NELFB: variants seen among roughly 807,000 people sequenced by gnomAD.
NELFB encodes negative elongation factor complex member B.
NELFB carries 34 observed loss-of-function variants against 60.2 expected under a neutral mutation model. That is an observed-to-expected ratio of 0.56 (90% confidence interval 0.43 to 0.75). The LOEUF (loss-of-function observed/expected upper bound fraction) is 0.75, where lower values mean the gene tolerates loss of function less well. Among genes scored for constraint, NELFB ranks in the 30% least tolerant of loss-of-function variants. The probability of loss-of-function intolerance (pLI) is 0.00; values close to 1 mark genes in which losing one functional copy is unlikely to be tolerated. For synonymous variants in NELFB, 459 were observed against 382.1 expected, an observed-to-expected ratio of 1.20 and a Z score of -2.35; for missense variants, 770 against 831.6, an observed-to-expected ratio of 0.93 and a Z score of 0.91.
chr9:137,266,424 A>T lies in NELFB; in HGVS notation c.1237A>T (p.Met413Leu), dbSNP rs758484561. 2 of 1,612,430 alleles carry T rather than the reference A, an allele frequency of 1.2e-6. No individual in the cohort carries two copies. The highest frequency in any genetic ancestry group is 2.2e-5 in the South Asian group (2 of 91,062). Residue 413 changes from methionine (M) to leucine (L), a missense_variant and splice_region_variant, in exon 8 of 13, where the codon ATG (methionine) becomes TTG (leucine). Transcript: ENST00000343053. Reference sequence around the variant, plus strand: ...CAGCCAGGTCTTCAAGGAGCCCAAGATGGTAACGAGCCTCCTGTGGGGGCT... The same window carrying T: ...CAGCCAGGTCTTCAAGGAGCCCAAGTTGGTAACGAGCCTCCTGTGGGGGCT...
In NELFB at chr9:137,272,552, G is replaced by A; in HGVS notation, c.1677G>A (p.Leu559=). ...ACGCGCTGCGGCTCCTCATTCACCT[G>A]CACCCCAGGGTGGCCCCGTCTAAGC... The change falls in exon 12 of 13, where the codon CTG becomes CTA. Residue 559 remains leucine (L), a synonymous_variant. Transcript: ENST00000343053. 2 of 1,612,260 alleles carry A rather than the reference G, an allele frequency of 1.2e-6. No homozygotes were observed. Among genetic ancestry groups the A allele is most frequent in the Non-Finnish European group, 8.5e-7 (1 of 1,179,602 alleles).
intron 10 of NELFB, 144 bp downstream of exon 10, chr9:137,267,490 CTTTTTTTTTTT>C (rs1174937800): frequency 1.8e-5 from 8 of 440,372 alleles, no homozygotes; most frequent in Non-Finnish European, 2.9e-5. Context: ...TTGTTTTCAC[CTTTTTTTTTTT>C]TTTTTTTTTG....
chr9:137,259,841 C>T lies in NELFB; in HGVS notation c.741+2787C>T, dbSNP rs189921304. 6.9e-3 allele frequency among the ~76,000 whole-genome samples: 1,039 copies of T among 150,266 alleles called. 8 individuals carry two copies. Among genetic ancestry groups the T allele is most frequent in the African/African-American group, 0.022 (914 of 41,164 alleles). The stretch of plus-strand genomic sequence containing the variant: ...CCGGGTTCACTCCATTCTCCTGCCT[C>T]AGCCTCCCAAGTAGCTGGGACTACA... On this transcript the variant is annotated intron_variant, in intron 4 of 12. Transcript: ENST00000343053.
chr9:137,270,401 G>T (rs1362364795), intron 10 of NELFB, among the ~76,000 whole-genome samples: 1 of 151,840 alleles, frequency 6.6e-6, no homozygotes, highest in East Asian at 1.9e-4. Flanking sequence ...GACCAGCCTG[G>T]CCAACATGGT....
rs756104867 is a variant in NELFB, at chr9:137,262,891, A to G, written c.742-146A>G. On this transcript the variant is annotated intron_variant, in intron 4 of 12. Transcript: ENST00000343053. ...TGCTACCATCAGACTGGGGGCCAAT[A>G]TTTAATGAGAGGAGGGAATGTTTTC... is the stretch of plus-strand genomic sequence containing the variant. 354 of 770,050 alleles carry G rather than the reference A, an allele frequency of 4.6e-4. 1 individual carries two copies. The highest frequency in any genetic ancestry group is 6.5e-4 in the Non-Finnish European group (316 of 483,998). The allele number at this position is 770,050 out of a possible 1,614,324, so 47.7% of individuals were successfully genotyped here.
chr9:137,265,732 C>T (rs1830510185), intron 6 of NELFB, 145 bp from the exon 7 acceptor site: 1 of 630,978 alleles, frequency 1.6e-6, no homozygotes, highest in Non-Finnish European at 2.9e-6. Flanking sequence ...GCTCGGCCAT[C>T]CTTAAGCTTT....
chr9:137,263,537 T>C (rs1830481832), intron 5 of NELFB, among the ~76,000 whole-genome samples: 1 of 145,330 alleles, frequency 6.9e-6, no homozygotes, highest in Non-Finnish European at 1.5e-5. Flanking sequence ...CTGGCTCCTC[T>C]CCTCTCCGTG....
At chr9:137,262,594 C>T (rs1021733403) in intron 4 of NELFB, among the ~76,000 whole-genome samples, 2 of 152,234 alleles carry the variant, frequency 1.3e-5, no homozygotes, top group Non-Finnish European at 2.9e-5. Flanking sequence ...TGATCTATAT[C>T]TAATATAACT....
At position 137,272,601 on chromosome 9, in the gene NELFB, G is replaced by C; in HGVS notation, c.1726G>C (p.Glu576Gln). 1.9e-6 allele frequency: 3 copies of C among 1,601,618 alleles called. No individual in the cohort carries two copies. The African/African-American group carries it at 4.0e-5, about 21-fold the overall frequency. Residue 576 changes from glutamate to glutamine, a missense_variant, in exon 12 of 13, where the codon GAG becomes CAG. Transcript: ENST00000343053. ...GCTGGAGGCGTTGCAGAAGGCCCTGGAGCCTACAGGCCAGGTGGGTGCCCG... is the reference window on the plus strand; with the variant it reads ...GCTGGAGGCGTTGCAGAAGGCCCTGCAGCCTACAGGCCAGGTGGGTGCCCG...
At position 137,267,028 on chromosome 9, in the gene NELFB, C is replaced by G. The variant is rs1830527421; in HGVS notation, c.1324C>G (p.Pro442Ala). 3 of 1,614,080 alleles carry G rather than the reference C, an allele frequency of 1.9e-6. No individual in the cohort carries two copies. The highest frequency in any genetic ancestry group is 1.3e-5 in the African/African-American group (1 of 75,048). ...CACTTTCAATGTGGATCAGAAACTT[C>G]CGGCTGAGGAGAAAGCCCCAGTCTC... The change falls in exon 9 of 13, where the codon CCG becomes GCG. Residue 442 changes from proline to alanine, a missense_variant. Physicochemically the swap from Pro to Ala is conservative, Grantham distance 27. Transcript: ENST00000343053.
At chr9:137,267,173 G>C (rs1303742797) in intron 9 of NELFB, 67 bp from the exon 10 acceptor site, 21 of 1,611,234 alleles carry the variant, frequency 1.3e-5, no homozygotes, top group Non-Finnish European at 1.8e-5. Context: ...GCTGGGCAGG[G>C]GTCGGTGTGG....
At position 137,267,159 on chromosome 9, in the gene NELFB, C is replaced by T. The variant is rs1588189143; in HGVS notation, c.1382+73C>T. ...GGCACTGTTGCCCAGGGGGCTGCCT[C>T]AGGGCTGGGCAGGGGTCGGTGTGGG... On this transcript the variant is annotated intron_variant, in intron 9 of 12. Coordinates refer to ENST00000343053, the MANE Select transcript of NELFB (RefSeq NM_015456.5). 5 of 1,611,314 alleles carry T rather than the reference C, an allele frequency of 3.1e-6. No homozygotes were observed. In the East Asian group the frequency reaches 1.1e-4, roughly 36 times the overall value.
rs756428686 is a variant in NELFB, at chr9:137,269,859, C to T, written c.1490-2222C>T. 1.3e-5 allele frequency among the ~76,000 whole-genome samples: 2 copies of T among 152,202 alleles called. No individual in the cohort carries two copies. The highest frequency in any genetic ancestry group is 2.4e-5 in the African/African-American group (1 of 41,456). On this transcript the variant is annotated intron_variant, in intron 10 of 12. Coordinates refer to ENST00000343053, the MANE Select transcript of NELFB (RefSeq NM_015456.5). This position sits in a 1 kb window ranked among gnomAD's most constrained non-coding sequence, Gnocchi z 5.3. ...CAGCTTCTCGGAGTACGTGGCTGCC[C>T]CACGGGGTGGGATGTGCATTTTCAG...
chr9:137,258,493 G>T lies in NELFB; in HGVS notation c.741+1439G>T, dbSNP rs531364354. Reference sequence around the variant, plus strand: ...AGACAGAGTCTTGCTCTGTCACCCAGACTGGAGTGCAGGGCCTCAATCTCG... The same window carrying T: ...AGACAGAGTCTTGCTCTGTCACCCATACTGGAGTGCAGGGCCTCAATCTCG... On this transcript the variant is annotated intron_variant, in intron 4 of 12. Transcript: ENST00000343053. 2.0e-5 allele frequency among the ~76,000 whole-genome samples: 3 copies of T among 148,076 alleles called. No homozygotes were observed. The South Asian group carries it at 6.5e-4, about 32-fold the overall frequency.
In NELFB at chr9:137,265,054, T is replaced by TTTTTC. The variant is rs1554791518; in HGVS notation, c.1040+697_1040+698insTTTTC. On this transcript the variant is annotated intron_variant, in intron 6 of 12. Coordinates refer to ENST00000343053, the MANE Select transcript of NELFB (RefSeq NM_015456.5). Reference sequence around the variant, plus strand: ...TCCTTTTTTTTTTTTTTTTTTTTTTTCTGAGACAGGGTCTCTGTCACCCAG... The same window carrying TTTTTC: ...TCCTTTTTTTTTTTTTTTTTTTTTTTTTTTCCTGAGACAGGGTCTCTGTCACCCAG... 3.5e-5 allele frequency among the ~76,000 whole-genome samples: 4 copies of TTTTTC among 114,060 alleles called. 1 individual carries two copies. Among genetic ancestry groups the TTTTTC allele is most frequent in the Non-Finnish European group, 5.9e-5 (3 of 50,836 alleles). The allele number at this position is 114,060 out of a possible 152,430, so 74.8% of individuals were successfully genotyped here.
At chr9:137,263,819 T>G (rs185755341) in intron 5 of NELFB, among the ~76,000 whole-genome samples, 1 of 152,166 alleles carries the variant, frequency 6.6e-6, no homozygotes, top group East Asian at 2.0e-4. Context: ...CCACCTGGCC[T>G]GTGGCCCTCC....
Position 137,273,069 on chromosome 9 carries a change from C to G in NELFB, c.*141C>G, listed in dbSNP as rs1468460091. 5 of 933,806 alleles carry G rather than the reference C, an allele frequency of 5.4e-6. No homozygotes were observed. The highest frequency in any genetic ancestry group is 6.1e-6 in the Non-Finnish European group (4 of 657,372). The allele number at this position is 933,806 out of a possible 1,614,324, so 57.8% of individuals were successfully genotyped here. A position where few individuals can be genotyped will look rare whatever the true frequency, so the allele number is the denominator to read the frequency against. On this transcript the variant is annotated 3_prime_UTR_variant, in exon 13 of 13. Transcript: ENST00000343053. The stretch of plus-strand genomic sequence containing the variant: ...GGGCCTGTCCTGCCGTCATGGCCCC[C>G]TGCTTCCTGCTCCTTGGAGCTGGCT...
intron 11 of NELFB, 82 bp downstream of exon 11, chr9:137,272,304 A>G: frequency 6.3e-7 from 1 of 1,580,368 alleles, no homozygotes; most frequent in Non-Finnish European, 8.6e-7. Flanking sequence ...TGCTGTCCCC[A>G]GCCTGGGGCG....
intron 6 of NELFB, among the ~76,000 whole-genome samples, chr9:137,265,386 G>GTTTTTTTT (rs1564444248): frequency 5.9e-5 from 3 of 50,988 alleles, no homozygotes; most frequent in East Asian, 6.1e-4. Flanking sequence ...CAAACCTTAA[G>GTTTTTTTT]CTTTTTTTTT....
Sources: gnomAD v4.1 joint callset for allele counts (sites outside exome capture counted in the v4.1 genomes callset) on GRCh38, gnomAD v4.1.1 for gene constraint, Gnocchi (gnomAD v3.1) non-coding constraint, MANE v1.5 for transcripts, NCBI Gene and HGNC (gene_info 2026-07-23, HGNC 2026-07-21) for gene names.